Variants in EMID1 observed in about 807,000 individuals in gnomAD.
EMID1 encodes EMI domain containing 1.
In EMID1, 40 loss-of-function variants were observed where a neutral mutation model predicts 60.6. That is an observed-to-expected ratio of 0.66 (90% CI 0.51 to 0.86). The LOEUF is 0.86. Among genes scored for constraint, EMID1 ranks in the 40% least tolerant of loss-of-function variants. The probability of loss-of-function intolerance (pLI) is 0.00; values close to 1 mark genes in which losing one functional copy is unlikely to be tolerated. For missense variants in EMID1, 585 were observed against 597.1 expected, an observed-to-expected ratio of 0.98 and a Z score of 0.21; for synonymous variants, 242 against 231.0, an observed-to-expected ratio of 1.05 and a Z score of -0.43.
chr22:29,239,192 A>T (rs1037167624), intron 12 of EMID1, among the ~76,000 whole-genome samples: 2 of 144,938 alleles, frequency 1.4e-5, no homozygotes, highest in African/African-American at 5.4e-5. Context: ...TGTCCAGTCC[A>T]CGAATAAGCC....
At chr22:29,210,121 C>T (rs1337147589) in intron 1 of EMID1, among the ~76,000 whole-genome samples, 1 of 152,086 alleles carries the variant, frequency 6.6e-6, no homozygotes, top group African/African-American at 2.4e-5. Context: ...TAAACCTGAA[C>T]TCCACATGGC....
chr22:29,206,628 A>G (rs911347676), intron 1 of EMID1, among the ~76,000 whole-genome samples: 18 of 152,116 alleles, frequency 1.2e-4, no homozygotes, highest in African/African-American at 4.3e-4. Context: ...TCAGTGTCGG[A>G]GATACCCCAG....
chr22:29,232,005 C>T (rs1288676856), intron 7 of EMID1: 1 of 593,220 alleles, frequency 1.7e-6, no homozygotes, highest in African/African-American at 1.9e-5. Flanking sequence ...AATGCTTGCC[C>T]CATGTGACCA....
At chr22:29,255,415 A>G (rs1020605924) in intron 14 of EMID1, 11 of 1,316,368 alleles carry the variant, frequency 8.4e-6, no homozygotes, top group Non-Finnish European at 1.0e-5. Flanking sequence ...GGCCTGGAAA[A>G]GGCCTGGGCA....
chr22:29,226,998 C>T (rs1055252189), intron 5 of EMID1, among the ~76,000 whole-genome samples: 7 of 152,102 alleles, frequency 4.6e-5, no homozygotes, highest in Non-Finnish European at 1.0e-4. Flanking sequence ...TCTCTATCCC[C>T]CCAACCCCCA....
chr22:29,232,255 G>T lies in EMID1; in HGVS notation c.677-1G>T. 3.1e-6 allele frequency: 5 copies of T among 1,611,650 alleles called. No individual in the cohort carries two copies. The highest frequency in any genetic ancestry group is 4.2e-6 in the Non-Finnish European group (5 of 1,179,798). On this transcript the variant is annotated splice_acceptor_variant, in intron 7 of 14. Coordinates refer to ENST00000334018, the MANE Select transcript of EMID1 (RefSeq NM_133455.4). LOFTEE classifies it high-confidence loss of function. ...CACAAATCCGTGTGATTCCATTGCA[G>T]GTCCACAGGGCCCCCCAGGGAGCCC...
At chr22:29,222,595 G>A (rs185084052) in intron 3 of EMID1, among the ~76,000 whole-genome samples, 208 of 150,894 alleles carry the variant, frequency 1.4e-3, no homozygotes, top group African/African-American at 4.9e-3. Context: ...GTAGAGACAG[G>A]GTTTTGCCAT....
At chr22:29,225,615 G>A (rs2040475606) in intron 4 of EMID1, among the ~76,000 whole-genome samples, 1 of 152,230 alleles carries the variant, frequency 6.6e-6, no homozygotes, top group Non-Finnish European at 1.5e-5. Context: ...CCTTTTTAAA[G>A]AGGAGGAAGC....
rs377651668 is a variant in EMID1 at position 29,231,002 on chromosome 22, C to T, written c.466-18C>T. The T allele has an allele frequency of 1.2e-6, 2 of 1,608,906 alleles. No individual in the cohort carries two copies. The highest frequency in any genetic ancestry group is 1.7e-5 in the Admixed American group (1 of 58,988). The stretch of plus-strand genomic sequence containing the variant: ...AGTGAGACCCTGGTACCCACCCCGT[C>T]CCTGTCTTCCTCTTCAGATGACCAT... On this transcript the variant is annotated intron_variant, in intron 5 of 14. Coordinates refer to ENST00000334018, the MANE Select transcript of EMID1 (RefSeq NM_133455.4).
At chr22:29,235,599 C>G (rs556909755) in intron 12 of EMID1, among the ~76,000 whole-genome samples, 1 of 151,744 alleles carries the variant, frequency 6.6e-6, no homozygotes, top group East Asian at 1.9e-4. Flanking sequence ...CAGGGTTTCC[C>G]TATGTGCCTA....
At chr22:29,235,780 C>CT (rs56085732) in intron 12 of EMID1, among the ~76,000 whole-genome samples, 4,513 of 73,860 alleles carry the variant, frequency 0.061, 775 homozygotes, top group Admixed American at 0.077. Context: ...AGAATTTAAG[C>CT]TTTTTTTTTT....
At position 29,206,134 on chromosome 22, in the gene EMID1, A is replaced by T; in HGVS notation, c.96A>T (p.Gly32=). Residue 32 remains glycine (G), a synonymous_variant, in exon 1 of 15, where the codon GGA becomes GGT. Coordinates refer to ENST00000334018, the MANE Select transcript of EMID1 (RefSeq NM_133455.4). ...AWSIGAAPFS[G]RRNWCSYVVT... is the part of the protein sequence containing the mutation. Reference sequence around the variant, plus strand: ...GCATCGGGGCAGCTCCGTTCTCCGGACGCAGGTAAGAGCTCCCGGCGCCTT... The same window carrying T: ...GCATCGGGGCAGCTCCGTTCTCCGGTCGCAGGTAAGAGCTCCCGGCGCCTT... The T allele has an allele frequency of 8.1e-7, 1 of 1,230,562 alleles. No individual in the cohort carries two copies. The highest frequency in any genetic ancestry group is 1.0e-6 in the Non-Finnish European group (1 of 986,972). 76.2% of individuals were successfully genotyped at this position (1,230,562 alleles called of 1,614,324 possible).
intron 1 of EMID1, among the ~76,000 whole-genome samples, chr22:29,209,715 T>G (rs1176207878): frequency 6.6e-6 from 1 of 152,156 alleles, no homozygotes; most frequent in Non-Finnish European, 1.5e-5. Context: ...GCCTGAGGGC[T>G]GAGACCCAAA....
At chr22:29,255,024 G>A (rs1431737494) in intron 14 of EMID1, among the ~76,000 whole-genome samples, 3 of 87,418 alleles carry the variant, frequency 3.4e-5, no homozygotes, top group African/African-American at 9.0e-5. Context: ...GACTAAGAGA[G>A]CCAGGCCCTC....
chr22:29,231,875 A>G (rs957747100), intron 7 of EMID1, 193 bp downstream of exon 7: 4 of 575,400 alleles, frequency 7.0e-6, no homozygotes. Context: ...ACTGACCCAC[A>G]TTCCCTGGGC....
chr22:29,249,749 G>C (rs2041457852), intron 13 of EMID1, among the ~76,000 whole-genome samples: 1 of 151,154 alleles, frequency 6.6e-6, no homozygotes, highest in Admixed American at 6.6e-5. Context: ...CATGTAGCTG[G>C]GATTGCAGGT....
At chr22:29,240,996 C>T (rs5752884) in intron 12 of EMID1, among the ~76,000 whole-genome samples, 20,455 of 152,144 alleles carry the variant, frequency 0.13, 1,592 homozygotes, top group East Asian at 0.23. Flanking sequence ...AAAATGATGC[C>T]TTCTCTCCTC....
chr22:29,254,564 G>C (rs1219010570), intron 14 of EMID1: 3 of 372,854 alleles, frequency 8.0e-6, no homozygotes, highest in Non-Finnish European at 1.0e-5. Context: ...GGCCTGCAGG[G>C]AACCAGAGAT....
chr22:29,214,781 A>G, intron 1 of EMID1, 145 bp from the exon 2 acceptor site: 1 of 521,350 alleles, frequency 1.9e-6, no homozygotes, highest in Non-Finnish European at 3.3e-6. Flanking sequence ...TTTGGGCCCA[A>G]ATGACTTTGC....
Sources: gnomAD v4.1 joint callset for allele counts (sites outside exome capture counted in the v4.1 genomes callset) on GRCh38, gnomAD v4.1.1 for gene constraint, MANE v1.5 for transcripts, NCBI Gene and HGNC (gene_info 2026-07-23, HGNC 2026-07-21) for gene names.